The following SULT4A1 variants were observed in gnomAD, a reference collection of about 807,000 sequenced individuals.
SULT4A1 encodes the protein sulfotransferase family 4A member 1.
SULT4A1 carries 11 observed loss-of-function variants against 35.2 expected under a neutral mutation model. The ratio of observed to expected loss-of-function variants is 0.31; its 90% confidence interval spans 0.20 to 0.52. SULT4A1 has a LOEUF of 0.52. Among genes scored for constraint, SULT4A1 ranks in the 20% least tolerant of loss-of-function variants. SULT4A1 has a pLI of 0.97. For missense variants in SULT4A1, 271 were observed against 383.7 expected (o/e 0.71, Z 2.45); for synonymous variants, 152 against 151.8 (o/e 1.00, Z -0.01).
intron 1 of SULT4A1, among the ~76,000 whole-genome samples, chr22:43,845,049 C>T (rs2063464476): frequency 6.6e-6 from 1 of 152,208 alleles, no homozygotes; most frequent in African/African-American, 2.4e-5. Context: ...GCGCCTTCTC[C>T]AGCCTCTATT....
intron 4 of SULT4A1, among the ~76,000 whole-genome samples, chr22:43,837,372 G>A (rs932750211): frequency 6.6e-6 from 1 of 152,214 alleles, no homozygotes; most frequent in African/African-American, 2.4e-5. Context: ...CCTCTTCCAC[G>A]TGCTGGTCTG....
At chr22:43,831,708 C>T (rs181222426) in intron 5 of SULT4A1, among the ~76,000 whole-genome samples, 1 of 152,374 alleles carries the variant, frequency 6.6e-6, no homozygotes, top group South Asian at 2.1e-4. Context: ...AAAACCCATG[C>T]GAGTTCCACA....
In SULT4A1 at chr22:43,829,157, C is replaced by T; in HGVS notation, c.645G>A (p.Gly215=). Residue 215 remains glycine (G), a synonymous_variant, in exon 6 of 7, where the codon GGG becomes GGA. Transcript: ENST00000330884. Reference sequence around the variant, plus strand: ...CCAGCTGGGCCTTGTCACAGGACACCCCCAGGAATCTGGCCAGCTGCTCCA... The same window carrying T: ...CCAGCTGGGCCTTGTCACAGGACACTCCCAGGAATCTGGCCAGCTGCTCCA... The part of the protein sequence containing the change: ...TMVEQLARFL[G]VSCDKAQLEA... 1 of 1,565,214 alleles carries T rather than the reference C, an allele frequency of 6.4e-7. No homozygotes were observed. The highest frequency in any genetic ancestry group is 8.7e-7 in the Non-Finnish European group (1 of 1,155,088).
intron 1 of SULT4A1, among the ~76,000 whole-genome samples, chr22:43,845,020 G>A (rs765640634): frequency 2.0e-5 from 3 of 152,112 alleles, no homozygotes; most frequent in Non-Finnish European, 4.4e-5. Context: ...GTAACTCCCA[G>A]GGAGAAAGGC....
chr22:43,840,065 G>A (rs911930251), intron 2 of SULT4A1, 40 bp from the exon 3 acceptor site: 4 of 1,542,712 alleles, frequency 2.6e-6, no homozygotes, highest in Admixed American at 3.8e-5. Flanking sequence ...AGAGGAAAGG[G>A]TGAGACCAAG....
chr22:43,847,174 C>T (rs944829012), intron 1 of SULT4A1, among the ~76,000 whole-genome samples: 2 of 152,060 alleles, frequency 1.3e-5, no homozygotes, highest in Non-Finnish European at 2.9e-5. Context: ...AGCAGGTCAA[C>T]GTGGGCATCA....
chr22:43,857,508 G>C (rs902007018), intron 1 of SULT4A1, among the ~76,000 whole-genome samples: 1 of 151,780 alleles, frequency 6.6e-6, no homozygotes, highest in Non-Finnish European at 1.5e-5. Flanking sequence ...AAAGAATGAG[G>C]TAAAAGAAAC....
At position 43,862,491 on chromosome 22, in the gene SULT4A1, G is replaced by A; in HGVS notation, c.-109C>T. 1 of 947,686 alleles carries A rather than the reference G, an allele frequency of 1.1e-6. No individual in the cohort carries two copies. Among genetic ancestry groups the A allele is most frequent in the Non-Finnish European group, 1.3e-6 (1 of 799,102 alleles). The allele number at this position is 947,686 out of a possible 1,614,324, so 58.7% of individuals were successfully genotyped here. On this transcript the variant is annotated 5_prime_UTR_variant, in exon 1 of 7. Coordinates refer to ENST00000330884, the MANE Select transcript of SULT4A1 (RefSeq NM_014351.4). ...ACACGCTCGCGCCCCACCGGCGCGCGGCGGCAGCTCCGCAGGCGTGACGTC... is the reference window on the plus strand; with the variant it reads ...ACACGCTCGCGCCCCACCGGCGCGCAGCGGCAGCTCCGCAGGCGTGACGTC...
intron 4 of SULT4A1, among the ~76,000 whole-genome samples, chr22:43,835,927 G>A (rs1204266786): frequency 1.3e-5 from 2 of 152,234 alleles, no homozygotes; most frequent in African/African-American, 4.8e-5. Flanking sequence ...AGGTTGCTGG[G>A]TGGAGAGCCT....
chr22:43,838,754 C>T (rs2063398147), intron 4 of SULT4A1, 113 bp downstream of exon 4: 10 of 1,459,174 alleles, frequency 6.9e-6, no homozygotes, highest in Non-Finnish European at 9.4e-6. Flanking sequence ...GCCTGACCTA[C>T]ATGGTCACTG....
rs1293068786 is a variant in SULT4A1 at position 43,862,493 on chromosome 22, C to A, written c.-111G>T. ...ACGCTCGCGCCCCACCGGCGCGCGG[C>A]GGCAGCTCCGCAGGCGTGACGTCAT... On this transcript the variant is annotated 5_prime_UTR_variant, in exon 1 of 7. Transcript: ENST00000330884. The A allele has an allele frequency of 1.7e-5, 16 of 942,220 alleles. No individual in the cohort carries two copies. The highest frequency in any genetic ancestry group is 1.9e-5 in the Non-Finnish European group (15 of 793,762). 58.4% of individuals were successfully genotyped at this position (942,220 alleles called of 1,614,324 possible).
intron 4 of SULT4A1, 33 bp downstream of exon 4, chr22:43,838,834 G>A (rs772290039): frequency 1.6e-5 from 25 of 1,612,456 alleles, no homozygotes; most frequent in South Asian, 6.6e-5. Context: ...AGACGGCTCC[G>A]GTTCTAACAT....
intron 6 of SULT4A1, chr22:43,827,376 A>G: frequency 8.8e-7 from 1 of 1,139,318 alleles, no homozygotes; most frequent in Non-Finnish European, 1.1e-6. Context: ...TGGAGAGAAA[A>G]ACAAGAAAAA....
chr22:43,855,841 T>A lies in SULT4A1; in HGVS notation c.169+6373A>T, dbSNP rs187930408. Among the ~76,000 whole-genome samples the A allele has an allele frequency of 2.1e-4, 32 of 152,260 alleles. No individual in the cohort carries two copies. The East Asian group carries it at 5.0e-3, about 24-fold the overall frequency. ...GGTCAGATAAAATACAAGATCCTAG[T>A]TTCACTCAACCAAGATGGGCCCTTC... On this transcript the variant is annotated intron_variant, in intron 1 of 6. Transcript: ENST00000330884.
At chr22:43,832,507 T>C (rs898242393) in intron 5 of SULT4A1, among the ~76,000 whole-genome samples, 1 of 152,104 alleles carries the variant, frequency 6.6e-6, no homozygotes, top group African/African-American at 2.4e-5. Flanking sequence ...CAGGCCCCAG[T>C]GTGTGAGCAC....
At chr22:43,853,052 ACAC>A (rs1057259034) in intron 1 of SULT4A1, among the ~76,000 whole-genome samples, 4 of 151,908 alleles carry the variant, frequency 2.6e-5, no homozygotes, top group African/African-American at 7.3e-5. Flanking sequence ...ATACTCACGC[ACAC>A]CACATACATA....
intron 1 of SULT4A1, among the ~76,000 whole-genome samples, chr22:43,851,900 A>C (rs138092): frequency 0.24 from 35,887 of 151,998 alleles, 4,460 homozygotes; most frequent in African/African-American, 0.32. Context: ...GGCCACCCTC[A>C]CGACTGCGGC....
rs2063324508 is a variant in SULT4A1, at chr22:43,831,325, C to T, written c.604-2127G>A. On this transcript the variant is annotated intron_variant, in intron 5 of 6. Coordinates refer to ENST00000330884, the MANE Select transcript of SULT4A1 (RefSeq NM_014351.4). ...CCGAGATGTGTGGGCAGCTGGCCAG[C>T]TGGGCGCTTTCCCTATTCACCTTCT... is the stretch of plus-strand genomic sequence containing the variant. 2.7e-5 allele frequency among the ~76,000 whole-genome samples: 3 copies of T among 109,640 alleles called. 1 individual carries two copies. In the South Asian group the frequency reaches 9.6e-4, roughly 35 times the overall value. The allele number at this position is 109,640 out of a possible 152,430, so 71.9% of individuals were successfully genotyped here.
At chr22:43,857,174 G>C (rs1203719152) in intron 1 of SULT4A1, among the ~76,000 whole-genome samples, 1 of 152,104 alleles carries the variant, frequency 6.6e-6, no homozygotes, top group Non-Finnish European at 1.5e-5. Flanking sequence ...CAGCAGACTT[G>C]ACACAGCAGA....
Sources: allele counts gnomAD v4.1 joint callset (sites outside exome capture counted in the v4.1 genomes callset), GRCh38; gene constraint gnomAD v4.1.1; transcripts MANE v1.5; gene names NCBI Gene and HGNC (gene_info 2026-07-23, HGNC 2026-07-21).